The following PTPRD variants were observed in gnomAD, a reference collection of about 807,000 sequenced individuals.
PTPRD encodes the protein receptor-type tyrosine-protein phosphatase delta.
Under a neutral mutation model 214.5 loss-of-function variants are expected in PTPRD, and 34 were observed. The observed-to-expected ratio is 0.16, with a 90% confidence interval of 0.12 to 0.21. The LOEUF is 0.21. PTPRD is among the 10% of genes least tolerant of loss of function. The probability of loss-of-function intolerance (pLI) is 1.00; values close to 1 mark genes in which losing one functional copy is unlikely to be tolerated. For missense variants in PTPRD, 2,545 were observed against 2,398.7 expected (o/e 1.06, Z -1.27); for synonymous variants, 1,128 against 845.7 (o/e 1.33, Z -5.79).
At chr9:9,332,486 C>G (rs1190157164) in intron 9 of PTPRD, among the ~76,000 whole-genome samples, 1 of 150,128 alleles carries the variant, frequency 6.7e-6, no homozygotes, top group African/African-American at 2.5e-5. Context: ...CACACTGTAC[C>G]AAATATAGAA....
At chr9:9,737,243 A>G (rs2098315007) in intron 6 of PTPRD, among the ~76,000 whole-genome samples, 1 of 152,114 alleles carries the variant, frequency 6.6e-6, no homozygotes, top group Non-Finnish European at 1.5e-5. Context: ...TCCACTGAAC[A>G]ATTTGTCTAT....
intron 2 of PTPRD, among the ~76,000 whole-genome samples, chr9:10,418,278 A>T (rs997327661): frequency 6.6e-6 from 1 of 151,898 alleles, no homozygotes; most frequent in Non-Finnish European, 1.5e-5. Context: ...TCCCAATGGT[A>T]TAATTTTAAA....
chr9:9,439,015 C>A (rs190381633), intron 8 of PTPRD, among the ~76,000 whole-genome samples: 4 of 152,012 alleles, frequency 2.6e-5, no homozygotes, highest in Non-Finnish European at 5.9e-5. Context: ...AAATAAAATG[C>A]CAAGTAATAT....
chr9:9,073,912 T>C (rs1226322898), intron 10 of PTPRD, among the ~76,000 whole-genome samples: 1 of 152,078 alleles, frequency 6.6e-6, no homozygotes, highest in African/African-American at 2.4e-5. Context: ...ATTAAGCATC[T>C]AGTCTGTGTA....
chr9:8,659,849 A>G (rs1484537753), intron 12 of PTPRD, among the ~76,000 whole-genome samples: 2 of 152,252 alleles, frequency 1.3e-5, no homozygotes, highest in African/African-American at 2.4e-5. Context: ...ATTCCTCTTC[A>G]ATGATGATAT....
chr9:8,880,400 T>G (rs930997930), intron 11 of PTPRD, among the ~76,000 whole-genome samples: 1 of 152,190 alleles, frequency 6.6e-6, no homozygotes, highest in Non-Finnish European at 1.5e-5. Context: ...GGCACTTGCT[T>G]CTACCTTTTC....
chr9:9,344,467 A>T (rs538864959), intron 9 of PTPRD, among the ~76,000 whole-genome samples: 1 of 152,120 alleles, frequency 6.6e-6, no homozygotes. Flanking sequence ...CATGTTCAGC[A>T]CATGTATCCC....
At chr9:9,374,816 A>G (rs2060368893) in intron 9 of PTPRD, among the ~76,000 whole-genome samples, 1 of 152,192 alleles carries the variant, frequency 6.6e-6, no homozygotes. Context: ...CACCATTTTC[A>G]TCTTTCAAGT....
At position 9,268,465 on chromosome 9, in the gene PTPRD, T is replaced by C. The variant is rs1406744224; in HGVS notation, c.-202-85102A>G. 2.0e-5 allele frequency among the ~76,000 whole-genome samples: 3 copies of C among 151,212 alleles called. No individual in the cohort carries two copies. In the East Asian group the frequency reaches 5.9e-4, roughly 30 times the overall value. On this transcript the variant is annotated intron_variant, in intron 9 of 45. Transcript: ENST00000381196. Reference sequence around the variant, plus strand: ...AGAGATATACAGATTTAATGCATTTTTTTAAATCAAGGTTCCAATGGCATT... The same window carrying C: ...AGAGATATACAGATTTAATGCATTTCTTTAAATCAAGGTTCCAATGGCATT...
intron 4 of PTPRD, among the ~76,000 whole-genome samples, chr9:9,961,241 C>A (rs372354966): frequency 6.6e-6 from 1 of 152,122 alleles, no homozygotes; most frequent in Admixed American, 6.5e-5. Flanking sequence ...CTATATGTAT[C>A]TTGCACTCCC....
intron 9 of PTPRD, among the ~76,000 whole-genome samples, chr9:9,310,188 A>G (rs1266319595): frequency 6.6e-6 from 1 of 152,164 alleles, no homozygotes; most frequent in African/African-American, 2.4e-5. Flanking sequence ...ATGTTTGTGA[A>G]GTGTGGCTTG....
intron 25 of PTPRD, among the ~76,000 whole-genome samples, chr9:8,497,836 C>G (rs2097309821): frequency 6.6e-6 from 1 of 152,154 alleles, no homozygotes; most frequent in Non-Finnish European, 1.5e-5. Flanking sequence ...TCGTTAACTA[C>G]CATATTTTGC....
chr9:9,808,675 G>A (rs920169741), intron 5 of PTPRD, among the ~76,000 whole-genome samples: 1 of 152,042 alleles, frequency 6.6e-6, no homozygotes, highest in Non-Finnish European at 1.5e-5. Flanking sequence ...CTGCCTCCTG[G>A]TTCCATTTAT....
At chr9:10,428,847 C>G (rs2098650208) in intron 2 of PTPRD, among the ~76,000 whole-genome samples, 1 of 152,004 alleles carries the variant, frequency 6.6e-6, no homozygotes, top group Admixed American at 6.6e-5. Context: ...TGAGGAAATG[C>G]AGCCTGGCAT....
At chr9:8,785,767 G>A (rs1259050435) in intron 11 of PTPRD, among the ~76,000 whole-genome samples, 1 of 152,166 alleles carries the variant, frequency 6.6e-6, no homozygotes, top group Non-Finnish European at 1.5e-5. Context: ...GTAAGTTAAA[G>A]TAAAGCTTCA....
At position 10,221,162 on chromosome 9, in the gene PTPRD, A is replaced by G. The variant is rs371879582; in HGVS notation, c.-545+119801T>C. On this transcript the variant is annotated intron_variant, in intron 3 of 45. Coordinates refer to ENST00000381196, the MANE Select transcript of PTPRD (RefSeq NM_002839.4). Reference sequence around the variant, plus strand: ...CCCTATCAATGTCTTCCTATAAAGAACATAAACATGGAAGGTTGAAAAGTA... The same window carrying G: ...CCCTATCAATGTCTTCCTATAAAGAGCATAAACATGGAAGGTTGAAAAGTA... 1.2e-3 allele frequency among the ~76,000 whole-genome samples: 188 copies of G among 152,124 alleles called. 3 individuals are homozygous for G. The South Asian group carries it at 0.036, about 30-fold the overall frequency.
At chr9:9,975,789 G>C (rs112555315) in intron 4 of PTPRD, among the ~76,000 whole-genome samples, 1 of 152,220 alleles carries the variant, frequency 6.6e-6, no homozygotes, top group Non-Finnish European at 1.5e-5. Flanking sequence ...TATTAGTTCT[G>C]TTACCTTGAT....
chr9:8,615,147 C>A (rs2095568905), intron 14 of PTPRD, among the ~76,000 whole-genome samples: 2 of 152,232 alleles, frequency 1.3e-5, no homozygotes, highest in South Asian at 2.1e-4. Flanking sequence ...CTGAGCACAG[C>A]TGAAGAAAGC....
At chr9:10,372,051 C>T (rs2097636204) in intron 2 of PTPRD, among the ~76,000 whole-genome samples, 1 of 151,928 alleles carries the variant, frequency 6.6e-6, no homozygotes, top group African/African-American at 2.4e-5. Flanking sequence ...GTTTGGAATC[C>T]AGTAATGGTA....
Sources: gnomAD v4.1 joint callset for allele counts (sites outside exome capture counted in the v4.1 genomes callset) on GRCh38, gnomAD v4.1.1 for gene constraint, MANE v1.5 for transcripts, NCBI Gene and HGNC (gene_info 2026-07-23, HGNC 2026-07-21) for gene names.